SMARCC1: variants seen among roughly 807,000 people sequenced by gnomAD.
The protein encoded by SMARCC1 is SWI/SNF related BAF chromatin remodeling complex subunit C1, also known as SWI/SNF complex subunit SMARCC1.
In SMARCC1, 43 loss-of-function variants were observed where a neutral mutation model predicts 147.4. The ratio of observed to expected loss-of-function variants is 0.29; its 90% confidence interval spans 0.23 to 0.38. SMARCC1 has a LOEUF of 0.38. SMARCC1 is among the 10% of genes least tolerant of loss of function. The pLI, the probability that SMARCC1 is intolerant of heterozygous loss-of-function variation, is 1.00. For missense variants in SMARCC1, 1,119 were observed against 1,381.1 expected (o/e 0.81, Z 3.01); for synonymous variants, 495 against 484.4 (o/e 1.02, Z -0.29).
intron 19 of SMARCC1, among the ~76,000 whole-genome samples, chr3:47,667,589 AT>A (rs1257074656): frequency 6.6e-6 from 1 of 152,064 alleles, no homozygotes; most frequent in Non-Finnish European, 1.5e-5. Context: ...CTTAAAAGAA[AT>A]TGTGAAGGCC....
intron 25 of SMARCC1, 179 bp from the exon 26 acceptor site, chr3:47,610,506 C>G: frequency 4.6e-6 from 3 of 650,816 alleles, no homozygotes; most frequent in Non-Finnish European, 5.4e-6. Context: ...TAGCATATTT[C>G]CATTTGGACA....
At position 47,661,297 on chromosome 3, in the gene SMARCC1, G is replaced by A. The variant is rs1416863256; in HGVS notation, c.2317C>T (p.Leu773Phe). 4.4e-6 allele frequency: 7 copies of A among 1,604,860 alleles called. No homozygotes were observed. The highest frequency in any genetic ancestry group is 5.9e-6 in the Non-Finnish European group (7 of 1,177,250). The stretch of plus-strand genomic sequence containing the variant: ...CTTAAAAGCAGCAGTGACTCACCAA[G>A]CTTCTCTGGCTCATCGGGCCCTGTG... ...AGTGPDEPEKLEGAEEEKMEA... is the reference protein window; with the variant it reads ...AGTGPDEPEKFEGAEEEKMEA... Residue 773 changes from leucine (L) to phenylalanine (F), a missense_variant, in exon 21 of 28, where the codon CTT becomes TTT. By Grantham distance (22) the Leu-to-Phe change is conservative (BLOSUM62 0). Coordinates refer to ENST00000254480, the MANE Select transcript of SMARCC1 (RefSeq NM_003074.4).
chr3:47,704,496 C>G (rs554360457), intron 10 of SMARCC1, among the ~76,000 whole-genome samples: 4 of 152,248 alleles, frequency 2.6e-5, no homozygotes, highest in Admixed American at 2.6e-4. Flanking sequence ...GAGATCACAT[C>G]TTGGTTCAAT....
intron 21 of SMARCC1, among the ~76,000 whole-genome samples, chr3:47,646,374 AAACC>A (rs1364683075): frequency 6.6e-6 from 1 of 152,194 alleles, no homozygotes. Context: ...TATTGTTGAT[AAACC>A]AACAGGTTAA....
intron 15 of SMARCC1, among the ~76,000 whole-genome samples, chr3:47,679,263 G>C (rs1038265572): frequency 6.6e-6 from 1 of 151,776 alleles, no homozygotes; most frequent in Non-Finnish European, 1.5e-5. Flanking sequence ...ATACATGGGA[G>C]GGTATGTACA....
In SMARCC1 at chr3:47,645,468, C is replaced by T. The variant is rs368365198; in HGVS notation, c.2321-6688G>A. On this transcript the variant is annotated intron_variant, in intron 21 of 27. Transcript: ENST00000254480. The stretch of plus-strand genomic sequence containing the variant: ...GAGAAGGCAGGAGGATGGCTTGGGC[C>T]TAAGAGTTTGAGGGTACAGCAGGGT... 1.9e-3 allele frequency among the ~76,000 whole-genome samples: 293 copies of T among 152,266 alleles called. 1 individual carries two copies. The highest frequency in any genetic ancestry group is 6.1e-3 in the African/African-American group (255 of 41,552).
At chr3:47,730,577 C>T (rs2034361131) in intron 5 of SMARCC1, among the ~76,000 whole-genome samples, 2 of 152,024 alleles carry the variant, frequency 1.3e-5, no homozygotes, top group Admixed American at 1.3e-4. Context: ...AAAACGCTAA[C>T]AATAGCGGCT....
At position 47,716,424 on chromosome 3, in the gene SMARCC1, A is replaced by C. The variant is rs564243975; in HGVS notation, c.717-1934T>G. Among the ~76,000 whole-genome samples the C allele has an allele frequency of 8.3e-4, 125 of 151,250 alleles. 1 individual carries two copies. In the East Asian group the frequency reaches 0.023, roughly 28 times the overall value. On this transcript the variant is annotated intron_variant, in intron 7 of 27. Transcript: ENST00000254480. ...GAGTGAGACTCCATCTCAAAAAAAA[A>C]AAAAAAAAAAAAAAACCCAACCTTA...
intron 8 of SMARCC1, among the ~76,000 whole-genome samples, chr3:47,713,272 C>T (rs2034112990): frequency 6.6e-6 from 1 of 151,776 alleles, no homozygotes; most frequent in African/African-American, 2.4e-5. Context: ...AAGCCGAGAT[C>T]GCGCCACTGC....
chr3:47,680,431 C>T lies in SMARCC1; in HGVS notation c.1457+6G>A. The T allele has an allele frequency of 6.2e-7, 1 of 1,604,100 alleles. No individual in the cohort carries two copies. Among genetic ancestry groups the T allele is most frequent in the South Asian group, 1.1e-5 (1 of 90,356 alleles). On this transcript the variant is annotated splice_donor_region_variant and intron_variant, in intron 15 of 27. Transcript: ENST00000254480. ...ATAAACAAGTTTTCTAAAACACTGG[C>T]CTCACATTTCTGGAGTCTTGGATTT...
At chr3:47,727,619 T>G (rs528850902) in intron 6 of SMARCC1, among the ~76,000 whole-genome samples, 17 of 150,606 alleles carry the variant, frequency 1.1e-4, no homozygotes, top group African/African-American at 3.6e-4. Context: ...TGTTTTTTGT[T>G]TTTTTTTTTA....
chr3:47,643,967 G>A (rs2033084813), intron 21 of SMARCC1, among the ~76,000 whole-genome samples: 1 of 152,192 alleles, frequency 6.6e-6, no homozygotes, highest in African/African-American at 2.4e-5. Context: ...GGTGTGGGAG[G>A]AATGCGGCCA....
chr3:47,663,198 T>TG (rs1414580086), intron 19 of SMARCC1, among the ~76,000 whole-genome samples: 1 of 10,284 alleles, frequency 9.7e-5, no homozygotes, highest in Admixed American at 1.3e-3. Flanking sequence ...AGGGGAGGGG[T>TG]GGGGAGGGGA....
intron 21 of SMARCC1, among the ~76,000 whole-genome samples, chr3:47,648,815 C>T (rs1406577074): frequency 6.6e-6 from 1 of 152,028 alleles, no homozygotes; most frequent in Non-Finnish European, 1.5e-5. Context: ...ATGTGTAGCA[C>T]AAAAAATAGC....
chr3:47,653,000 ACTGCGGACTGCAGTG>A (rs2033211380), intron 21 of SMARCC1, among the ~76,000 whole-genome samples: 1 of 138,342 alleles, frequency 7.2e-6, no homozygotes, highest in African/African-American at 2.7e-5. Context: ...CCCAGGCCGG[ACTGCGGACTGCAGTG>A]GCGCAATCTC....
At position 47,778,204 on chromosome 3, in the gene SMARCC1, A is replaced by C. The variant is rs1260560809; in HGVS notation, c.195+3399T>G. On this transcript the variant is annotated intron_variant, in intron 1 of 27. Transcript: ENST00000254480. Reference sequence around the variant, plus strand: ...AGACTCCATCTCAAAAAAAAAAAACAAAAAACAAAAAACAAAAAAAACACT... The same window carrying C: ...AGACTCCATCTCAAAAAAAAAAAACCAAAAACAAAAAACAAAAAAAACACT... 3.3e-5 allele frequency among the ~76,000 whole-genome samples: 4 copies of C among 122,636 alleles called. 1 individual carries two copies. In the South Asian group the frequency reaches 6.6e-4, roughly 20 times the overall value. 80.5% of individuals were successfully genotyped at this position (122,636 alleles called of 152,430 possible).
intron 3 of SMARCC1, among the ~76,000 whole-genome samples, chr3:47,740,168 G>A (rs1043362149): frequency 8.2e-6 from 1 of 122,048 alleles, no homozygotes; most frequent in Non-Finnish European, 1.7e-5. Context: ...GAGCCACCAC[G>A]CCCGGCCATC....
intron 18 of SMARCC1, among the ~76,000 whole-genome samples, chr3:47,673,397 G>GGC (rs1553682246): frequency 7.6e-6 from 1 of 131,528 alleles, no homozygotes; most frequent in Non-Finnish European, 1.6e-5. Context: ...AAAAAAAAAG[G>GGC]GTGGGGGGGG....
intron 21 of SMARCC1, among the ~76,000 whole-genome samples, chr3:47,656,547 T>C (rs1314061964): frequency 1.3e-5 from 2 of 152,148 alleles, no homozygotes; most frequent in Non-Finnish European, 2.9e-5. Flanking sequence ...GACAATGCAG[T>C]CTACAAGAGA....
Sources: gnomAD v4.1 joint callset for allele counts (sites outside exome capture counted in the v4.1 genomes callset) on GRCh38, gnomAD v4.1.1 for gene constraint, MANE v1.5 for transcripts, NCBI Gene and HGNC (gene_info 2026-07-23, HGNC 2026-07-21) for gene names.